Variants in CHKA observed in about 807,000 individuals in gnomAD.
CHKA encodes the protein choline kinase alpha.
A neutral mutation model predicts 60.1 loss-of-function variants in CHKA; 34 were observed. The observed-to-expected ratio is 0.57, with a 90% CI of 0.43 to 0.75. The LOEUF is 0.75. CHKA is among the 30% of genes least tolerant of loss of function. The probability of loss-of-function intolerance (pLI) is 0.00; values close to 1 mark genes in which losing one functional copy is unlikely to be tolerated. For missense variants in CHKA, 563 were observed against 561.3 expected, an observed-to-expected ratio of 1.00 and a Z score of -0.03; for synonymous variants, 217 against 223.1, an observed-to-expected ratio of 0.97 and a Z score of 0.24.
chr11:68,097,173 A>G (rs1857541925), intron 1 of CHKA, 43 bp from the exon 2 acceptor site: 1 of 1,455,826 alleles, frequency 6.9e-7, no homozygotes, highest in Non-Finnish European at 9.6e-7. Context: ...ATTGCAGGTG[A>G]GCTAAATCAC....
At chr11:68,059,349 A>C (rs1238821681) in intron 11 of CHKA, among the ~76,000 whole-genome samples, 3 of 152,170 alleles carry the variant, frequency 2.0e-5, no homozygotes, top group Non-Finnish European at 2.9e-5. Context: ...TCATTCTGTT[A>C]ATATGAAGAA....
At chr11:68,106,961 A>G (rs1480371479) in intron 1 of CHKA, among the ~76,000 whole-genome samples, 1 of 152,064 alleles carries the variant, frequency 6.6e-6, no homozygotes, top group African/African-American at 2.4e-5. Flanking sequence ...GTAACAATAA[A>G]AAACATGTTC....
intron 1 of CHKA, among the ~76,000 whole-genome samples, chr11:68,119,577 C>T (rs568071988): frequency 2.6e-4 from 40 of 152,292 alleles, no homozygotes; most frequent in African/African-American, 9.6e-4. Context: ...TCAAGCGATT[C>T]TCCTGCCTCA....
chr11:68,081,501 A>G, intron 2 of CHKA, 44 bp from the exon 3 acceptor site: 1 of 1,466,204 alleles, frequency 6.8e-7, no homozygotes, highest in South Asian at 1.1e-5. Flanking sequence ...GATGGGGAAC[A>G]CTAAACAGAC....
intron 1 of CHKA, among the ~76,000 whole-genome samples, chr11:68,109,280 G>A (rs986446977): frequency 1.1e-4 from 17 of 151,732 alleles, no homozygotes; most frequent in African/African-American, 3.6e-4. Flanking sequence ...TAGTAGAGAC[G>A]GAGTTTCACC....
intron 4 of CHKA, among the ~76,000 whole-genome samples, chr11:68,073,874 T>C (rs1200108051): frequency 3.3e-5 from 5 of 152,176 alleles, no homozygotes; most frequent in Non-Finnish European, 7.4e-5. Context: ...CTTATGATTC[T>C]AGTCCTCAAG....
intron 11 of CHKA, among the ~76,000 whole-genome samples, chr11:68,056,006 C>T (rs1856002027): frequency 1.3e-5 from 2 of 152,106 alleles, no homozygotes; most frequent in Admixed American, 1.3e-4. Flanking sequence ...CGAGATCGCA[C>T]CATTGAACTC....
intron 2 of CHKA, among the ~76,000 whole-genome samples, chr11:68,087,821 G>T (rs151164249): frequency 6.6e-5 from 10 of 152,140 alleles, no homozygotes; most frequent in Non-Finnish European, 1.3e-4. Flanking sequence ...AAATAAGTAA[G>T]AATAATCCTG....
intron 2 of CHKA, among the ~76,000 whole-genome samples, chr11:68,095,080 G>A (rs745423161): frequency 1.1e-4 from 16 of 152,038 alleles, no homozygotes; most frequent in Non-Finnish European, 1.9e-4. Flanking sequence ...ATTTCATTAA[G>A]ATAAAAATGG....
chr11:68,103,699 G>T (rs1372151815), intron 1 of CHKA, among the ~76,000 whole-genome samples: 7 of 151,940 alleles, frequency 4.6e-5, no homozygotes, highest in Non-Finnish European at 8.8e-5. Flanking sequence ...ATCACCTGAG[G>T]TCGGGAATTC....
chr11:68,059,326 C>T (rs916408027), intron 11 of CHKA, among the ~76,000 whole-genome samples: 20 of 152,168 alleles, frequency 1.3e-4, no homozygotes, highest in East Asian at 7.7e-4. Context: ...GATAATCATA[C>T]GGTTTTTCAC....
chr11:68,094,112 T>C (rs925172418), intron 2 of CHKA, among the ~76,000 whole-genome samples: 15 of 152,210 alleles, frequency 9.9e-5, no homozygotes, highest in Non-Finnish European at 1.6e-4. Context: ...ATTTAAACAA[T>C]AGTTTTAAAT....
chr11:68,089,170 G>C (rs1857274441), intron 2 of CHKA, among the ~76,000 whole-genome samples: 1 of 152,158 alleles, frequency 6.6e-6, no homozygotes, highest in Admixed American at 6.5e-5. Flanking sequence ...GGAAGCCCAG[G>C]TTTTAAAAAG....
chr11:68,080,264 C>T (rs1293925025), intron 3 of CHKA, among the ~76,000 whole-genome samples: 1 of 152,218 alleles, frequency 6.6e-6, no homozygotes, highest in Non-Finnish European at 1.5e-5. Flanking sequence ...ACATGTAAAA[C>T]AAGCCGCTGA....
intron 1 of CHKA, among the ~76,000 whole-genome samples, chr11:68,119,560 C>T (rs1429643180): frequency 1.3e-5 from 2 of 152,174 alleles, no homozygotes; most frequent in Admixed American, 6.6e-5. Flanking sequence ...ACCGCCGCCT[C>T]CCAGGTTCAA....
chr11:68,120,894 C>G lies in CHKA; in HGVS notation c.284G>C (p.Cys95Ser). 7.4e-7 allele frequency: 1 copy of G among 1,343,740 alleles called. No homozygotes were observed. Among genetic ancestry groups the G allele is most frequent in the Non-Finnish European group, 9.7e-7 (1 of 1,034,350 alleles). 83.2% of individuals were successfully genotyped at this position (1,343,740 alleles called of 1,614,324 possible). A position where few individuals can be genotyped will look rare whatever the true frequency, so the allele number is the denominator to read the frequency against. Residue 95 changes from cysteine (C) to serine (S), a missense_variant, in exon 1 of 12, where the codon TGC becomes TCC. Coordinates refer to ENST00000265689, the MANE Select transcript of CHKA (RefSeq NM_001277.3). ...PRTRRRAYLW[C>S]KEFLPGAWRG... Reference sequence around the variant, plus strand: ...CCAGGCGCCGGGCAGGAACTCCTTGCACCACAGATAGGCCCTGCGCCGCGT... The same window carrying G: ...CCAGGCGCCGGGCAGGAACTCCTTGGACCACAGATAGGCCCTGCGCCGCGT...
chr11:68,085,013 T>C (rs1857135262), intron 2 of CHKA, among the ~76,000 whole-genome samples: 1 of 152,132 alleles, frequency 6.6e-6, no homozygotes, highest in Non-Finnish European at 1.5e-5. Flanking sequence ...ATTCTACACT[T>C]AAAAGGCACA....
At chr11:68,055,106 G>T (rs1014850285) in intron 11 of CHKA, among the ~76,000 whole-genome samples, 1 of 152,160 alleles carries the variant, frequency 6.6e-6, no homozygotes, top group Non-Finnish European at 1.5e-5. Context: ...ATAAATGAAG[G>T]TGCAGACCGG....
At chr11:68,105,850 A>G (rs866844991) in intron 1 of CHKA, among the ~76,000 whole-genome samples, 10 of 152,218 alleles carry the variant, frequency 6.6e-5, no homozygotes, top group Non-Finnish European at 1.5e-4. Flanking sequence ...AGTCTAGCAC[A>G]TACAGGGCTT....
Sources: gnomAD v4.1 joint callset for allele counts (sites outside exome capture counted in the v4.1 genomes callset) on GRCh38, gnomAD v4.1.1 for gene constraint, MANE v1.5 for transcripts, NCBI Gene and HGNC (gene_info 2026-07-23, HGNC 2026-07-21) for gene names.